RAB3GAP2: variants seen among roughly 807,000 people sequenced by gnomAD.
The protein encoded by RAB3GAP2 is RAB3 GTPase activating non-catalytic protein subunit 2, also known as rab3 GTPase-activating protein non-catalytic subunit.
In RAB3GAP2, 87 loss-of-function variants were observed where a neutral mutation model predicts 185.3. That is an observed-to-expected ratio of 0.47 (90% CI 0.39 to 0.56). RAB3GAP2 has a LOEUF of 0.56. Ranked by LOEUF, RAB3GAP2 falls within the 20% of genes least tolerant of loss-of-function variation. The pLI is 0.00. For missense variants in RAB3GAP2, 1,492 were observed against 1,638.2 expected (o/e 0.91, Z 1.54); for synonymous variants, 554 against 576.1 (o/e 0.96, Z 0.55).
intron 2 of RAB3GAP2, among the ~76,000 whole-genome samples, chr1:220,218,779 C>T (rs1266947296): frequency 1.3e-5 from 2 of 151,798 alleles, no homozygotes; most frequent in Non-Finnish European, 2.9e-5. Flanking sequence ...TCACAAAATG[C>T]AATGGTGTTG....
intron 1 of RAB3GAP2, chr1:220,266,612 G>T: frequency 9.1e-7 from 1 of 1,096,456 alleles, no homozygotes. Flanking sequence ...TAGATTGAGG[G>T]CAGCAGTCAA....
rs780996958 is a variant in RAB3GAP2, at chr1:220,167,276, G to A, written c.3087+17C>T. ...ACAGAAGCAGAAATAACATGAAAGA[G>A]GTAACGAGAATCTTACCTCTGGATC... On this transcript the variant is annotated intron_variant, in intron 26 of 34. Transcript: ENST00000358951. 8.8e-6 allele frequency: 14 copies of A among 1,594,334 alleles called. No homozygotes were observed. The East Asian group carries it at 2.7e-4, about 31-fold the overall frequency.
Position 220,159,433 on chromosome 1 carries a change from A to C in RAB3GAP2, c.3226-12T>G, listed in dbSNP as rs1241530799. 4.4e-6 allele frequency: 7 copies of C among 1,577,932 alleles called. No individual in the cohort carries two copies. Among genetic ancestry groups the C allele is most frequent in the Non-Finnish European group, 6.1e-6 (7 of 1,148,508 alleles). ...GGTGATTTTCCAACCTAAAATAAAA[A>C]GATAAAATGTTGTAACATTTAATAA... On this transcript the variant is annotated splice_polypyrimidine_tract_variant and intron_variant, in intron 28 of 34. Coordinates refer to ENST00000358951, the MANE Select transcript of RAB3GAP2 (RefSeq NM_012414.4).
chr1:220,202,180 T>C (rs561250028), intron 9 of RAB3GAP2, 96 bp downstream of exon 9: 1 of 1,298,796 alleles, frequency 7.7e-7, no homozygotes, highest in East Asian at 2.7e-5. Flanking sequence ...ATAATAATAA[T>C]AAATAAAGAA....
chr1:220,218,977 A>G (rs1323164305), intron 2 of RAB3GAP2, among the ~76,000 whole-genome samples: 13 of 152,156 alleles, frequency 8.5e-5, no homozygotes, highest in Admixed American at 7.2e-4. Context: ...AATAACCCAA[A>G]CCAAATAATA....
chr1:220,214,976 ACTTC>A (rs1291106736), intron 2 of RAB3GAP2, among the ~76,000 whole-genome samples: 6 of 139,570 alleles, frequency 4.3e-5, no homozygotes, highest in Non-Finnish European at 6.2e-5. Flanking sequence ...ATATATATAT[ACTTC>A]TATACTTTGC....
chr1:220,233,236 C>T (rs1008598770), intron 1 of RAB3GAP2, among the ~76,000 whole-genome samples: 9 of 151,324 alleles, frequency 5.9e-5, no homozygotes, highest in East Asian at 3.9e-4. Context: ...CAAATATACA[C>T]GGTGATAAAA....
chr1:220,223,029 G>A (rs1659336369), intron 2 of RAB3GAP2, among the ~76,000 whole-genome samples: 1 of 152,088 alleles, frequency 6.6e-6, no homozygotes, highest in African/African-American at 2.4e-5. Context: ...CTGAACAACT[G>A]TTTATTTGCT....
chr1:220,182,677 AAAG>A (rs778384852), intron 20 of RAB3GAP2, 38 bp downstream of exon 20: 3 of 1,410,244 alleles, frequency 2.1e-6, no homozygotes, highest in Non-Finnish European at 9.6e-7. Context: ...TTTTCTTCTA[AAAG>A]AAGAGGCATA....
At chr1:220,254,554 C>T in intron 1 of RAB3GAP2, 1 of 1,601,714 alleles carries the variant, frequency 6.2e-7, no homozygotes, top group Non-Finnish European at 8.6e-7. Context: ...GGCACTCTCA[C>T]TCACTTATGT....
intron 1 of RAB3GAP2, among the ~76,000 whole-genome samples, chr1:220,248,126 T>C (rs1264082045): frequency 2.7e-5 from 4 of 150,626 alleles, no homozygotes; most frequent in Non-Finnish European, 4.5e-5. Flanking sequence ...TGCTAAAAGA[T>C]GCAAAAAAAA....
intron 1 of RAB3GAP2, among the ~76,000 whole-genome samples, chr1:220,246,014 G>A (rs532521522): frequency 1.2e-4 from 19 of 152,192 alleles, no homozygotes; most frequent in Middle Eastern, 3.4e-3. Context: ...GAAAATTTTC[G>A]CAACCTACCC....
chr1:220,190,991 T>C (rs1211645589), intron 14 of RAB3GAP2, 77 bp downstream of exon 14: 2 of 1,351,844 alleles, frequency 1.5e-6, no homozygotes, highest in African/African-American at 1.4e-5. Context: ...TAAGCAGCTT[T>C]AGTAAAGCTT....
intron 1 of RAB3GAP2, chr1:220,271,376 A>G (rs1660330258): frequency 1.3e-5 from 2 of 151,810 alleles, no homozygotes; most frequent in South Asian, 4.2e-4. Context: ...AAAATAAAAT[A>G]AAACACAAGG....
chr1:220,245,409 A>AC (rs1553282746), intron 1 of RAB3GAP2, among the ~76,000 whole-genome samples: 24 of 152,314 alleles, frequency 1.6e-4, no homozygotes, highest in South Asian at 4.1e-4. Context: ...GTGGTGACGG[A>AC]AGCACCTGGA....
intron 1 of RAB3GAP2, among the ~76,000 whole-genome samples, chr1:220,263,747 CA>C (rs1660181822): frequency 6.6e-6 from 1 of 151,766 alleles, no homozygotes; most frequent in African/African-American, 2.4e-5. Flanking sequence ...TCTTCTTTTC[CA>C]AAATTGTTTT....
At chr1:220,267,347 G>C in intron 1 of RAB3GAP2, 1 of 1,106,116 alleles carries the variant, frequency 9.0e-7, no homozygotes, top group Non-Finnish European at 1.4e-6. Context: ...ATTATATTAG[G>C]ATGTTGGAGG....
At chr1:220,267,494 C>A (rs1240263142) in intron 1 of RAB3GAP2, 1 of 1,407,372 alleles carries the variant, frequency 7.1e-7, no homozygotes, top group East Asian at 2.4e-5. Flanking sequence ...CCAAACTTTC[C>A]TTTACCCGGA....
chr1:220,239,317 A>G (rs545373759), intron 1 of RAB3GAP2, among the ~76,000 whole-genome samples: 65 of 152,216 alleles, frequency 4.3e-4, no homozygotes, highest in African/African-American at 1.5e-3. Flanking sequence ...TGCAGGCTCT[A>G]TCTCCCAGGC....
Sources: allele counts gnomAD v4.1 joint callset (sites outside exome capture counted in the v4.1 genomes callset), GRCh38; gene constraint gnomAD v4.1.1; transcripts MANE v1.5; gene names NCBI Gene and HGNC (gene_info 2026-07-23, HGNC 2026-07-21).